MTMR12: variants seen among roughly 807,000 people sequenced by gnomAD.
The protein encoded by MTMR12 is myotubularin-related protein 12.
Under a neutral mutation model 96.7 loss-of-function variants are expected in MTMR12, and 33 were observed. The observed-to-expected ratio is 0.34, with a 90% CI of 0.26 to 0.46. The LOEUF is 0.46. Ranked by LOEUF, MTMR12 falls within the 20% of genes least tolerant of loss-of-function variation. The pLI, the probability that MTMR12 is intolerant of heterozygous loss-of-function variation, is 1.00. For missense variants in MTMR12, 721 were observed against 896.1 expected (o/e 0.80, Z 2.49); for synonymous variants, 298 against 327.2 (o/e 0.91, Z 0.96).
chr5:32,274,249 TAC>T lies in MTMR12; in HGVS notation c.143-129_143-128del. On this transcript the variant is annotated intron_variant, in intron 2 of 15. Coordinates refer to ENST00000382142, the MANE Select transcript of MTMR12 (RefSeq NM_001040446.3). The stretch of plus-strand genomic sequence containing the variant: ...AATACAACACAGGGCTTTAGAACTT[TAC>T]ACTTTTCAGCATGGCAGGAGCTGCA... 4 of 1,146,008 alleles carry T rather than the reference TAC, an allele frequency of 3.5e-6. No homozygotes were observed. The East Asian group carries it at 9.9e-5, about 28-fold the overall frequency. 71.0% of individuals were successfully genotyped at this position (1,146,008 alleles called of 1,614,324 possible).
At chr5:32,275,442 C>T (rs1007674170) in intron 2 of MTMR12, among the ~76,000 whole-genome samples, 1 of 152,194 alleles carries the variant, frequency 6.6e-6, no homozygotes, top group African/African-American at 2.4e-5. Context: ...GAGGCTCTCC[C>T]CAAGACCAGG....
chr5:32,292,401 GT>G (rs201647630), intron 1 of MTMR12, among the ~76,000 whole-genome samples: 2,331 of 152,170 alleles, frequency 0.015, 28 homozygotes, highest in Non-Finnish European at 0.024. Context: ...TGGTCTAGAG[GT>G]CTTAGTTCCA....
intron 1 of MTMR12, among the ~76,000 whole-genome samples, chr5:32,307,362 C>G (rs1335039904): frequency 2.0e-5 from 3 of 152,076 alleles, no homozygotes; most frequent in African/African-American, 7.2e-5. Context: ...CCGACAGAGG[C>G]ACCGACATCC....
In MTMR12 at chr5:32,239,139, G is replaced by A; in HGVS notation, c.1206C>T (p.Ser402=). ...GGTCCATCATCAGTTGCACCAGAGA[G>A]GAAATGAGACAGCAGAGGTCGGATG... The part of the protein sequence containing the change: ...ENASDLCCLI[S]SLVQLMMDPH... The change falls in exon 13 of 16, where the codon TCC becomes TCT. Residue 402 remains serine (S), a synonymous_variant. Transcript: ENST00000382142. 6.2e-7 allele frequency: 1 copy of A among 1,606,494 alleles called. No homozygotes were observed.
Position 32,248,872 on chromosome 5 carries a change from A to G in MTMR12, c.796T>C (p.Cys266Arg). The change falls in exon 9 of 16, where the codon TGT becomes CGT. Residue 266 changes from cysteine (C) to arginine (R), a missense_variant. Cys to Arg is a radical substitution (Grantham distance 180, BLOSUM62 -3). Coordinates refer to ENST00000382142, the MANE Select transcript of MTMR12 (RefSeq NM_001040446.3). ...GCACTTCCATTGTGGCAGGACCAAC[A>G]CCATATCTGTAGAAACAAATAAAGC... ...RFQGHGIPIW[C>R]WSCHNGSALL... The G allele has an allele frequency of 6.2e-7, 1 of 1,612,980 alleles. No individual in the cohort carries two copies.
At chr5:32,235,154 TTGG>T (rs746041319) in intron 13 of MTMR12, 25 bp from the exon 14 acceptor site, 5 of 1,600,406 alleles carry the variant, frequency 3.1e-6, no homozygotes, top group Non-Finnish European at 4.3e-6. Flanking sequence ...GATACGTTAC[TTGG>T]TGGGCAGAGC....
Position 32,300,772 on chromosome 5 carries a change from C to A in MTMR12, c.81+11986G>T, listed in dbSNP as rs375527636. 6.6e-5 allele frequency among the ~76,000 whole-genome samples: 10 copies of A among 152,280 alleles called. No individual in the cohort carries two copies. The East Asian group carries it at 1.5e-3, about 23-fold the overall frequency. On this transcript the variant is annotated intron_variant, in intron 1 of 15. Coordinates refer to ENST00000382142, the MANE Select transcript of MTMR12 (RefSeq NM_001040446.3). ...CACTTCTCTTCTCCAGAACGTAAAG[C>A]TGCATAAAGAGATTTGTAGGGGCCA...
chr5:32,263,044 T>G (rs1454825337), intron 7 of MTMR12, 69 bp downstream of exon 7: 18 of 1,572,526 alleles, frequency 1.1e-5, no homozygotes, highest in Non-Finnish European at 1.4e-5. Context: ...ACCCTGTGAA[T>G]ATACTAAAAA....
chr5:32,294,498 A>G (rs1750853643), intron 1 of MTMR12, among the ~76,000 whole-genome samples: 1 of 151,792 alleles, frequency 6.6e-6, no homozygotes, highest in Non-Finnish European at 1.5e-5. Flanking sequence ...ACAGGGTTTC[A>G]CCACGTTGGC....
chr5:32,276,873 CTTTTTTTTTTTTTTT>C (rs779455702), intron 1 of MTMR12, 131 bp from the exon 2 acceptor site: 129 of 123,720 alleles, frequency 1.0e-3, no homozygotes, highest in Non-Finnish European at 1.3e-3. Flanking sequence ...TTACAAGCTA[CTTTTTTTTTTTTTTT>C]TTTTTTTTTT....
At position 32,312,936 on chromosome 5, in the gene MTMR12, C is replaced by T. The variant is rs1051081897; in HGVS notation, c.-98G>A. On this transcript the variant is annotated 5_prime_UTR_variant, in exon 1 of 16. Coordinates refer to ENST00000382142, the MANE Select transcript of MTMR12 (RefSeq NM_001040446.3). The surrounding 1 kb of genome is among the most constrained non-coding windows in gnomAD (Gnocchi z 5.0). ...CGGCCACCAGCACTAGCGGCTGGGGCTCCGCCCATCCCCAAGGCCGCGACC... is the reference window on the plus strand; with the variant it reads ...CGGCCACCAGCACTAGCGGCTGGGGTTCCGCCCATCCCCAAGGCCGCGACC... 45 of 1,156,060 alleles carry T rather than the reference C, an allele frequency of 3.9e-5. No homozygotes were observed. The highest frequency in any genetic ancestry group is 4.9e-5 in the Non-Finnish European group (43 of 877,582). The allele number at this position is 1,156,060 out of a possible 1,614,324, so 71.6% of individuals were successfully genotyped here. A position where few individuals can be genotyped will look rare whatever the true frequency, so the allele number is the denominator to read the frequency against.
intron 2 of MTMR12, among the ~76,000 whole-genome samples, chr5:32,275,102 G>A (rs1750002072): frequency 6.6e-6 from 1 of 151,912 alleles, no homozygotes; most frequent in Non-Finnish European, 1.5e-5. Context: ...TTACTTTTTG[G>A]CTCAAAATTT....
At chr5:32,252,289 A>G (rs1123329) in intron 8 of MTMR12, among the ~76,000 whole-genome samples, 57,539 of 152,090 alleles carry the variant, frequency 0.38, 11,094 homozygotes, top group East Asian at 0.5. Context: ...TTCTGGAACA[A>G]ACTGTGGTAA....
At chr5:32,303,086 C>T (rs187013909) in intron 1 of MTMR12, among the ~76,000 whole-genome samples, 10 of 152,208 alleles carry the variant, frequency 6.6e-5, no homozygotes, top group South Asian at 2.1e-4. Flanking sequence ...GTGGCTCTGA[C>T]GAAACTTCTG....
At chr5:32,282,456 T>TA (rs1216188550) in intron 1 of MTMR12, among the ~76,000 whole-genome samples, 1 of 149,418 alleles carries the variant, frequency 6.7e-6, no homozygotes, top group Non-Finnish European at 1.5e-5. Context: ...AATAAATAAA[T>TA]AAATAAATAA....
At chr5:32,304,713 G>A (rs1751285291) in intron 1 of MTMR12, among the ~76,000 whole-genome samples, 1 of 152,208 alleles carries the variant, frequency 6.6e-6, no homozygotes, top group African/African-American at 2.4e-5. Context: ...CGAGCTAGAA[G>A]TAGGGTGCAG....
At chr5:32,306,191 C>T (rs1253444524) in intron 1 of MTMR12, among the ~76,000 whole-genome samples, 3 of 151,976 alleles carry the variant, frequency 2.0e-5, no homozygotes, top group Admixed American at 6.6e-5. Context: ...GAATGGGCCC[C>T]GAGATCAGAC....
chr5:32,302,013 G>A (rs1029048742), intron 1 of MTMR12, among the ~76,000 whole-genome samples: 5 of 152,162 alleles, frequency 3.3e-5, no homozygotes, highest in African/African-American at 1.2e-4. Context: ...TCTGTCACAA[G>A]AGGAAGGTCA....
At position 32,233,738 on chromosome 5, in the gene MTMR12, C is replaced by A; in HGVS notation, c.1674+35G>T. ...TATCATTACATGCACGGGGTCTGGG[C>A]AGCTGAAGGGGGTTTAGACATGTGG... On this transcript the variant is annotated intron_variant, in intron 15 of 15. Transcript: ENST00000382142. The surrounding 1 kb of genome is among the most constrained non-coding windows in gnomAD (Gnocchi z 5.0). The A allele has an allele frequency of 6.2e-7, 1 of 1,613,818 alleles. No homozygotes were observed. The highest frequency in any genetic ancestry group is 1.1e-5 in the South Asian group (1 of 91,054).
Sources: gnomAD v4.1 joint callset for allele counts (sites outside exome capture counted in the v4.1 genomes callset) on GRCh38, gnomAD v4.1.1 for gene constraint, Gnocchi (gnomAD v3.1) non-coding constraint, MANE v1.5 for transcripts, NCBI Gene and HGNC (gene_info 2026-07-23, HGNC 2026-07-21) for gene names.